Variants in ZSCAN18 observed in about 807,000 individuals in gnomAD.
The protein encoded by ZSCAN18 is zinc finger and SCAN domain containing 18.
Under a neutral mutation model 31.1 loss-of-function variants are expected in ZSCAN18, and 16 were observed. The ratio of observed to expected loss-of-function variants is 0.51; its 90% CI spans 0.35 to 0.78. The LOEUF is 0.78. Ranked by LOEUF, ZSCAN18 falls within the 30% of genes least tolerant of loss-of-function variation. ZSCAN18 has a pLI of 0.01. For synonymous variants in ZSCAN18, 375 were observed against 320.7 expected (o/e 1.17, Z -1.81); for missense variants, 731 against 697.4 (o/e 1.05, Z -0.54).
At chr19:58,097,117 G>A (rs372712358) in intron 1 of ZSCAN18, among the ~76,000 whole-genome samples, 1 of 152,188 alleles carries the variant, frequency 6.6e-6, no homozygotes, top group Admixed American at 6.5e-5. Context: ...AACCGAGGAG[G>A]TGACATGGAA....
In ZSCAN18 at chr19:58,084,910, G is replaced by T; in HGVS notation, c.1308C>A (p.Gly436=). The T allele has an allele frequency of 6.3e-7, 1 of 1,593,688 alleles. No homozygotes were observed. Residue 436 remains glycine (G), a synonymous_variant, in exon 7 of 7, where the codon GGC becomes GGA. Coordinates refer to ENST00000601144, the MANE Select transcript of ZSCAN18 (RefSeq NM_001145543.2). This position sits in a 1 kb window ranked among gnomAD's most constrained non-coding sequence, Gnocchi z 4.5. ...CCTGACAGGCGTAGCGCTTCCGGCC[G>T]CCATGGCTGCTGTGGTGCTCCATCA... ...SHLMEHHSSH[G]GRKRYACQGC...
chr19:58,107,794 C>T (rs771716853), intron 1 of ZSCAN18: 2 of 992,884 alleles, frequency 2.0e-6, no homozygotes, highest in Non-Finnish European at 2.4e-6. Flanking sequence ...TGGTTTCTAG[C>T]GAGAGCACAG....
rs2074748843 is a variant in ZSCAN18, at chr19:58,118,206, C to A, written c.130+61G>T. 14 of 829,108 alleles carry A rather than the reference C, an allele frequency of 1.7e-5. No individual in the cohort carries two copies. The South Asian group carries it at 2.7e-4, about 16-fold the overall frequency. The allele number at this position is 829,108 out of a possible 1,614,324, so 51.4% of individuals were successfully genotyped here. A position where few individuals can be genotyped will look rare whatever the true frequency, so the allele number is the denominator to read the frequency against. Reference sequence around the variant, plus strand: ...CAGGGCTGCCGCGTACCCTCACAGACAGAAAGAGCGACCACGCAGCCACCG... The same window carrying A: ...CAGGGCTGCCGCGTACCCTCACAGAAAGAAAGAGCGACCACGCAGCCACCG... On this transcript the variant is annotated intron_variant, in intron 1 of 1. Coordinates refer to the ZSCAN18 transcript ENST00000595721.
In ZSCAN18 at chr19:58,089,940, C is replaced by T; in HGVS notation, c.328G>A (p.Val110Met). The T allele has an allele frequency of 1.2e-6, 2 of 1,614,158 alleles. No individual in the cohort carries two copies. Among genetic ancestry groups the T allele is most frequent in the Non-Finnish European group, 1.7e-6 (2 of 1,180,036 alleles). ...TTGCAGCTCTCAGGGTACTGTGCCA[C>T]CACCCAGGGCCGGACCTTATCAGGC... ...ILPDKVRPWV[V>M]AQYPESCKKA... is the part of the protein sequence containing the mutation. The change falls in exon 2 of 7, where the codon GTG (valine) becomes ATG (methionine). Residue 110 changes from valine to methionine, a missense_variant. This residue lies in a region of ZSCAN18 where 46 missense variants were observed against 60.6 expected (regional missense o/e 0.76). Coordinates refer to ENST00000601144, the MANE Select transcript of ZSCAN18 (RefSeq NM_001145543.2).
chr19:58,116,260 C>G (rs954434326), intron 1 of ZSCAN18, among the ~76,000 whole-genome samples: 3 of 148,586 alleles, frequency 2.0e-5, no homozygotes, highest in African/African-American at 7.5e-5. Context: ...ATTCATCACA[C>G]ACCCCCTCTG....
chr19:58,095,369 A>C (rs1352377302), intron 1 of ZSCAN18, among the ~76,000 whole-genome samples: 1 of 152,232 alleles, frequency 6.6e-6, no homozygotes, highest in African/African-American at 2.4e-5. Context: ...AACCACATGC[A>C]GCCCCAAGGT....
At chr19:58,104,552 A>G (rs2074619983) in intron 1 of ZSCAN18, among the ~76,000 whole-genome samples, 1 of 151,870 alleles carries the variant, frequency 6.6e-6, no homozygotes, top group Non-Finnish European at 1.5e-5. Context: ...TACAAAAAAA[A>G]TTAGCCAGGC....
intron 6 of ZSCAN18, 143 bp from the exon 7 acceptor site, chr19:58,085,522 G>A: frequency 2.8e-6 from 2 of 716,668 alleles, no homozygotes; most frequent in Non-Finnish European, 4.4e-6. Flanking sequence ...TGGAAGCAGC[G>A]CTGTCCCTCC....
upstream of ZSCAN18, among the ~76,000 whole-genome samples, chr19:58,098,907 A>C (rs2074568914): frequency 6.6e-6 from 1 of 152,004 alleles, no homozygotes; most frequent in Admixed American, 6.5e-5. Context: ...CTCAAAGATT[A>C]CCCACCCCAG....
rs1191096696 is a variant in ZSCAN18 at position 58,109,901 on chromosome 19, A to G, written c.130+8366T>C. On this transcript the variant is annotated intron_variant, in intron 1 of 1. Transcript: ENST00000595721. Reference sequence around the variant, plus strand: ...AAGATGGATGAAGGATAGTGAATAAATATCACTTTAGATATTATGATTTTT... The same window carrying G: ...AAGATGGATGAAGGATAGTGAATAAGTATCACTTTAGATATTATGATTTTT... Among the ~76,000 whole-genome samples the G allele has an allele frequency of 2.6e-5, 4 of 152,134 alleles. No individual in the cohort carries two copies. The East Asian group carries it at 7.7e-4, about 29-fold the overall frequency.
At chr19:58,091,265 C>CAAAAA (rs5828749) in intron 1 of ZSCAN18, among the ~76,000 whole-genome samples, 1 of 116,054 alleles carries the variant, frequency 8.6e-6, no homozygotes, top group Non-Finnish European at 1.8e-5. Flanking sequence ...GACTCTGTCT[C>CAAAAA]AAAAAAAAAA....
chr19:58,114,621 C>T (rs1687852266), intron 1 of ZSCAN18, among the ~76,000 whole-genome samples: 1 of 151,744 alleles, frequency 6.6e-6, no homozygotes, highest in South Asian at 2.1e-4. Context: ...CACATATGCC[C>T]CCAAATATAT....
chr19:58,094,002 T>A (rs895739139), intron 1 of ZSCAN18, among the ~76,000 whole-genome samples: 3 of 151,848 alleles, frequency 2.0e-5, no homozygotes, highest in Non-Finnish European at 2.9e-5. Context: ...TGACCTCAAG[T>A]GATCCACCCG....
intron 5 of ZSCAN18, 148 bp from the exon 6 acceptor site, chr19:58,086,414 C>T (rs2145968499): frequency 1.6e-6 from 1 of 622,518 alleles, no homozygotes; most frequent in South Asian, 2.2e-5. Flanking sequence ...CCCTGTTAGG[C>T]CCCTGGACAG....
intron 1 of ZSCAN18, among the ~76,000 whole-genome samples, chr19:58,110,572 T>G (rs1413310078): frequency 6.6e-6 from 1 of 152,180 alleles, no homozygotes; most frequent in African/African-American, 2.4e-5. Context: ...ATTTTCTCAG[T>G]GGAAGAGGCC....
chr19:58,108,261 G>A (rs772898369), intron 1 of ZSCAN18: 6 of 985,272 alleles, frequency 6.1e-6, no homozygotes, highest in Middle Eastern at 1.0e-3. Context: ...ACATACATAG[G>A]GCTCCCCTCA....
intron 1 of ZSCAN18, among the ~76,000 whole-genome samples, chr19:58,112,666 G>A (rs1020265313): frequency 2.7e-5 from 4 of 147,522 alleles, no homozygotes; most frequent in Admixed American, 2.0e-4. Flanking sequence ...AGAAAAAAAA[G>A]TTTAGGCCAA....
Position 58,086,321 on chromosome 19 carries a change from G to A in ZSCAN18, c.746-55C>T, listed in dbSNP as rs991644322. Reference sequence around the variant, plus strand: ...AAGGCATCAACACAGAGTGGCTGATGGGTGTTGTGTGTCGTGGGCCAGCCA... The same window carrying A: ...AAGGCATCAACACAGAGTGGCTGATAGGTGTTGTGTGTCGTGGGCCAGCCA... On this transcript the variant is annotated intron_variant, in intron 5 of 6. Coordinates refer to ENST00000601144, the MANE Select transcript of ZSCAN18 (RefSeq NM_001145543.2). 3.4e-5 allele frequency: 53 copies of A among 1,540,654 alleles called. No homozygotes were observed. In the African/African-American group the frequency reaches 6.9e-4, roughly 20 times the overall value.
chr19:58,092,803 T>A (rs1237297241), intron 1 of ZSCAN18: 2 of 775,218 alleles, frequency 2.6e-6, no homozygotes, highest in Non-Finnish European at 3.1e-6. Flanking sequence ...ACACAGGGTC[T>A]TACTCTGTCA....
Sources: allele counts gnomAD v4.1 joint callset (sites outside exome capture counted in the v4.1 genomes callset), GRCh38; gene constraint gnomAD v4.1.1; regional missense constraint gnomAD v4.1.1; non-coding constraint Gnocchi (gnomAD v3.1); transcripts MANE v1.5; gene names NCBI Gene and HGNC (gene_info 2026-07-23, HGNC 2026-07-21).